SH3TC2: variants seen among roughly 807,000 people sequenced by gnomAD.
SH3TC2 encodes SH3 domain and tetratricopeptide repeat-containing protein 2.
Under a neutral mutation model 124.5 loss-of-function variants are expected in SH3TC2, and 87 were observed. That is an observed-to-expected ratio of 0.70 (90% CI 0.59 to 0.84). The LOEUF (loss-of-function observed/expected upper bound fraction) is 0.84, where lower values mean the gene tolerates loss of function less well. SH3TC2 is among the 40% of genes least tolerant of loss of function. SH3TC2 has a pLI of 0.00. For missense variants in SH3TC2, 1,536 were observed against 1,566.4 expected (o/e 0.98, Z 0.33); for synonymous variants, 634 against 628.5 (o/e 1.01, Z -0.13).
rs541840331 is a variant in SH3TC2 at position 149,063,052 on chromosome 5, C to T, written c.-30G>A. The T allele has an allele frequency of 2.5e-6, 4 of 1,581,334 alleles. No individual in the cohort carries two copies. The South Asian group carries it at 4.6e-5, about 18-fold the overall frequency. On this transcript the variant is annotated 5_prime_UTR_variant, in exon 1 of 17. Coordinates refer to ENST00000515425, the MANE Select transcript of SH3TC2 (RefSeq NM_024577.4). ...GTACCATCCTACCCTGGCCGAGGCC[C>T]TTGGGAACACAGGCCAGAAGAGTGC...
At chr5:149,041,812 G>T (rs546414881) in intron 5 of SH3TC2, among the ~76,000 whole-genome samples, 195 bp from the exon 6 acceptor site, 6 of 152,340 alleles carry the variant, frequency 3.9e-5, no homozygotes, top group African/African-American at 1.4e-4. Context: ...AAAAGCCATT[G>T]AGAGGGAATT....
At chr5:149,014,631 AT>A (rs1405084391) in intron 12 of SH3TC2, among the ~76,000 whole-genome samples, 1 of 152,160 alleles carries the variant, frequency 6.6e-6, no homozygotes, top group African/African-American at 2.4e-5. Context: ...ATTTATTGAC[AT>A]CCCAATGGGC....
At chr5:149,035,144 T>TA (rs1321560627) in intron 8 of SH3TC2, among the ~76,000 whole-genome samples, 3 of 152,196 alleles carry the variant, frequency 2.0e-5, no homozygotes, top group Non-Finnish European at 4.4e-5. Context: ...GCAAAATTAT[T>TA]AGTGTCAAAA....
intron 2 of SH3TC2, among the ~76,000 whole-genome samples, chr5:149,049,281 C>G (rs36082): frequency 0.23 from 35,069 of 152,118 alleles, 4,441 homozygotes; most frequent in African/African-American, 0.32. Flanking sequence ...CTGGTAGCCT[C>G]ATGGCATGCT....
intron 7 of SH3TC2, among the ~76,000 whole-genome samples, chr5:149,039,197 AC>A (rs1018763073): frequency 6.6e-6 from 1 of 152,180 alleles, no homozygotes; most frequent in Non-Finnish European, 1.5e-5. Flanking sequence ...TCTAGCAATG[AC>A]CTTTTGATGA....
intron 3 of SH3TC2, chr5:149,046,653 GC>G (rs1196670859): frequency 1.3e-5 from 2 of 152,150 alleles, no homozygotes; most frequent in African/African-American, 4.8e-5. Flanking sequence ...TTCAGATCTA[GC>G]TGACTCCAGG....
rs1395512002 is a variant in SH3TC2, at chr5:149,044,465, T to G, written c.385+68A>C. 6.7e-6 allele frequency: 8 copies of G among 1,191,820 alleles called. No individual in the cohort carries two copies. In the Admixed American group the frequency reaches 8.5e-5, roughly 13 times the overall value. The allele number at this position is 1,191,820 out of a possible 1,614,324, so 73.8% of individuals were successfully genotyped here. A position where few individuals can be genotyped will look rare whatever the true frequency, so the allele number is the denominator to read the frequency against. On this transcript the variant is annotated intron_variant, in intron 4 of 16. Coordinates refer to ENST00000515425, the MANE Select transcript of SH3TC2 (RefSeq NM_024577.4). ...TACCAGAGCCAGGCCAATTCCTTCA[T>G]GTCAAGCCCTACAAATTGGCTAAAT...
chr5:149,028,864 C>A, intron 9 of SH3TC2, 146 bp from the exon 10 acceptor site: 2 of 832,174 alleles, frequency 2.4e-6, no homozygotes, highest in Non-Finnish European at 4.1e-6. Flanking sequence ...GCAGAATTAT[C>A]CTTTCACCCA....
At chr5:149,026,378 G>A (rs530786750) in intron 12 of SH3TC2, 194 bp downstream of exon 12, 10 of 635,034 alleles carry the variant, frequency 1.6e-5, no homozygotes, top group South Asian at 5.8e-5. Context: ...GAGACATGGA[G>A]AAATTAAATA....
Position 149,000,881 on chromosome 5 carries a change from T to C in SH3TC2, c.*3830A>G, listed in dbSNP as rs1753586669. 1.3e-5 allele frequency among the ~76,000 whole-genome samples: 2 copies of C among 152,236 alleles called. No individual in the cohort carries two copies. The highest frequency in any genetic ancestry group is 3.2e-3 in the Middle Eastern group (1 of 316). On this transcript the variant is annotated 3_prime_UTR_variant, in exon 17 of 17. Coordinates refer to ENST00000515425, the MANE Select transcript of SH3TC2 (RefSeq NM_024577.4). The stretch of plus-strand genomic sequence containing the variant: ...AAAATATATTATTTCATCTCTCCAA[T>C]ACTATTTCTCATCCTATTCATACAG...
chr5:148,990,185 T>C lies in SH3TC2; in HGVS notation c.*14526A>G, dbSNP rs1311726141. On this transcript the variant is annotated 3_prime_UTR_variant, in exon 17 of 17. Coordinates refer to ENST00000515425, the MANE Select transcript of SH3TC2 (RefSeq NM_024577.4). The stretch of plus-strand genomic sequence containing the variant: ...TCTGTTTTGTTCTTTCTCTGATTTA[T>C]TCCTGTCTCTGCTTGCACTTGCAGT... Among the ~76,000 whole-genome samples, 1 of 152,110 alleles carries C rather than the reference T, an allele frequency of 6.6e-6. No individual in the cohort carries two copies. The highest frequency in any genetic ancestry group is 6.5e-5 in the Admixed American group (1 of 15,272).
rs1182798127 is a variant in SH3TC2, at chr5:149,012,434, T to C, written c.3204+150A>G. 5 of 1,027,152 alleles carry C rather than the reference T, an allele frequency of 4.9e-6. No homozygotes were observed. In the African/African-American group the frequency reaches 6.3e-5, roughly 13 times the overall value. 63.6% of individuals were successfully genotyped at this position (1,027,152 alleles called of 1,614,324 possible). A position where few individuals can be genotyped will look rare whatever the true frequency, so the allele number is the denominator to read the frequency against. ...AGACCACCCTGGTTTCCACCATGTGTTCAGGGAGCAGCCCAGTGTTGACCC... is the reference window on the plus strand; with the variant it reads ...AGACCACCCTGGTTTCCACCATGTGCTCAGGGAGCAGCCCAGTGTTGACCC... On this transcript the variant is annotated intron_variant, in intron 13 of 16. Transcript: ENST00000515425.
At chr5:149,035,495 C>T (rs1462764755) in intron 8 of SH3TC2, 5 of 152,912 alleles carry the variant, frequency 3.3e-5, no homozygotes, top group Non-Finnish European at 1.5e-5. Flanking sequence ...CGGACGGCAG[C>T]GTGCAGAGAC....
chr5:149,054,616 A>T (rs992353716), intron 1 of SH3TC2, among the ~76,000 whole-genome samples: 2 of 152,136 alleles, frequency 1.3e-5, no homozygotes, highest in African/African-American at 4.8e-5. Flanking sequence ...CATCATTTAG[A>T]AATTGAAATG....
chr5:149,007,719 A>C lies in SH3TC2; in HGVS notation c.3479-642T>G, dbSNP rs140688107. On this transcript the variant is annotated intron_variant, in intron 15 of 16. Transcript: ENST00000515425. ...CTTGTTGTTTGGTGGATTTGTTTTA[A>C]TACAGAGCAATCTTTTACAGGGAAC... is the stretch of plus-strand genomic sequence containing the variant. 2.8e-3 allele frequency: 453 copies of C among 159,998 alleles called. 2 individuals are homozygous for C. The highest frequency in any genetic ancestry group is 0.01 in the African/African-American group (433 of 41,612). 9.9% of individuals were successfully genotyped at this position (159,998 alleles called of 1,614,324 possible).
rs2127386250 is a variant in SH3TC2, at chr5:148,982,184, T to C, written c.*22527A>G. 6.6e-6 allele frequency among the ~76,000 whole-genome samples: 1 copy of C among 152,132 alleles called. No individual in the cohort carries two copies. Among genetic ancestry groups the C allele is most frequent in the East Asian group, 1.9e-4 (1 of 5,172 alleles). ...TTTTTTTTTATTTCTGTAGTTTAAA[T>C]TTTAAAACATTGAGATACCACCTCA... On this transcript the variant is annotated 3_prime_UTR_variant, in exon 17 of 17. Transcript: ENST00000515425.
At position 148,993,944 on chromosome 5, in the gene SH3TC2, C is replaced by A. The variant is rs139720866; in HGVS notation, c.*10767G>T. On this transcript the variant is annotated 3_prime_UTR_variant, in exon 17 of 17. Transcript: ENST00000515425. ...GCCAGGCACTTTACATATATTCACACATTTGATCCACACAACAATCCCATG... is the reference window on the plus strand; with the variant it reads ...GCCAGGCACTTTACATATATTCACAAATTTGATCCACACAACAATCCCATG... Among the ~76,000 whole-genome samples, 1 of 152,124 alleles carries A rather than the reference C, an allele frequency of 6.6e-6. No homozygotes were observed. The highest frequency in any genetic ancestry group is 2.4e-5 in the African/African-American group (1 of 41,428).
chr5:149,022,821 C>A (rs372871640), intron 12 of SH3TC2, among the ~76,000 whole-genome samples: 1 of 152,118 alleles, frequency 6.6e-6, no homozygotes, highest in East Asian at 1.9e-4. Context: ...CCATTTATAT[C>A]AAATGTCCAG....
In SH3TC2 at chr5:149,044,893, C is replaced by T; in HGVS notation, c.280-255G>A. 4 of 411,204 alleles carry T rather than the reference C, an allele frequency of 9.7e-6. No homozygotes were observed. The South Asian group carries it at 9.8e-5, about 10-fold the overall frequency. The allele number at this position is 411,204 out of a possible 1,614,324, so 25.5% of individuals were successfully genotyped here. The stretch of plus-strand genomic sequence containing the variant: ...AGCTCTTTGTGTACTGATATAGGCT[C>T]CAGATATAATACTGCTATACAGCGG... On this transcript the variant is annotated intron_variant, in intron 3 of 16. Transcript: ENST00000515425.
Sources: gnomAD v4.1 joint callset for allele counts (sites outside exome capture counted in the v4.1 genomes callset) on GRCh38, gnomAD v4.1.1 for gene constraint, MANE v1.5 for transcripts, NCBI Gene and HGNC (gene_info 2026-07-23, HGNC 2026-07-21) for gene names.